Variants in SDR42E1 observed in about 807,000 individuals in gnomAD.
SDR42E1 encodes short-chain dehydrogenase/reductase family 42E member 1.
In SDR42E1, 5 loss-of-function variants were observed where a neutral mutation model predicts 2.6. The ratio of observed to expected loss-of-function variants is 1.94; its 90% CI spans 1.01 to 4.08. The LOEUF is 4.08. Among genes scored for constraint, SDR42E1 ranks in the 30% most tolerant of loss-of-function variants. The probability of loss-of-function intolerance (pLI) is 0.00; values close to 1 mark genes in which losing one functional copy is unlikely to be tolerated. For synonymous variants in SDR42E1, 231 were observed against 188.3 expected (o/e 1.23, Z -1.86); for missense variants, 596 against 478.6 (o/e 1.25, Z -2.29).
chr16:81,989,240 A>G lies in SDR42E1; in HGVS notation c.*9871T>C, dbSNP rs921331736. ...AAATAAAGAATATATACTAATATCA[A>G]TAGATCACCATGCTGTACTATTGAG... On this transcript the variant is annotated 3_prime_UTR_variant, in exon 3 of 3. Coordinates refer to ENST00000328945, the MANE Select transcript of SDR42E1 (RefSeq NM_145168.3). The G allele has an allele frequency of 2.0e-5, 3 of 152,184 alleles. No homozygotes were observed. The highest frequency in any genetic ancestry group is 2.9e-5 in the Non-Finnish European group (2 of 68,040). 9.4% of individuals were successfully genotyped at this position (152,184 alleles called of 1,614,324 possible).
intron 2 of SDR42E1, chr16:82,000,483 G>A (rs969923401): frequency 3.2e-6 from 2 of 630,728 alleles, no homozygotes; most frequent in Non-Finnish European, 5.7e-6. Flanking sequence ...TTGGTTCTAG[G>A]GCCCACTATC....
rs919246630 is a variant in SDR42E1, at chr16:81,990,949, G to T, written c.*8162C>A. On this transcript the variant is annotated 3_prime_UTR_variant, in exon 3 of 3. Coordinates refer to ENST00000328945, the MANE Select transcript of SDR42E1 (RefSeq NM_145168.3). The stretch of plus-strand genomic sequence containing the variant: ...ACTTTGCATTTTCATTACTTCGAAA[G>T]ATTTTTATTAGGTCTGTGCTCCACG... 6.6e-6 allele frequency: 1 copy of T among 152,212 alleles called. No homozygotes were observed. Among genetic ancestry groups the T allele is most frequent in the Non-Finnish European group, 1.5e-5 (1 of 68,044 alleles). The allele number at this position is 152,212 out of a possible 1,614,324, so 9.4% of individuals were successfully genotyped here.
intron 1 of SDR42E1, among the ~76,000 whole-genome samples, chr16:82,001,120 T>A (rs1045933740): frequency 1.3e-5 from 2 of 152,186 alleles, no homozygotes; most frequent in Non-Finnish European, 2.9e-5. Context: ...AAGGTTAATG[T>A]GGAGGTTAAA....
chr16:82,005,833 A>C (rs990604675), intron 1 of SDR42E1, among the ~76,000 whole-genome samples: 1 of 135,886 alleles, frequency 7.4e-6, no homozygotes, highest in Non-Finnish European at 1.5e-5. Flanking sequence ...AAGAAACAAC[A>C]AAAAAAACCT....
At position 81,999,283 on chromosome 16, in the gene SDR42E1, T is replaced by A; in HGVS notation, c.1010A>T (p.Lys337Met). Reference sequence around the variant, plus strand: ...TTCCTGGAGGTCAAATGGCTGAGCCTTATAACCTAGCTCTTTCTTGGCTTT... The same window carrying A: ...TTCCTGGAGGTCAAATGGCTGAGCCATATAACCTAGCTCTTTCTTGGCTTT... Reference protein sequence around the residue: ...LEKAKKELGYKAQPFDLQEAV... With the variant: ...LEKAKKELGYMAQPFDLQEAV... Residue 337 changes from lysine (K) to methionine (M), a missense_variant, in exon 3 of 3, where the codon AAG (lysine) becomes ATG (methionine). By Grantham distance (95) the Lys-to-Met change is moderately conservative. Coordinates refer to ENST00000328945, the MANE Select transcript of SDR42E1 (RefSeq NM_145168.3). 6.2e-7 allele frequency: 1 copy of A among 1,614,244 alleles called. No individual in the cohort carries two copies.
chr16:81,998,880 C>T lies in SDR42E1; in HGVS notation c.*231G>A. On this transcript the variant is annotated 3_prime_UTR_variant, in exon 3 of 3. Coordinates refer to ENST00000328945, the MANE Select transcript of SDR42E1 (RefSeq NM_145168.3). ...TGACTTCTATTGTACCCACCTAAAA[C>T]AGAAGCACATAACAAATCAAATTTC... is the stretch of plus-strand genomic sequence containing the variant. 2 of 561,238 alleles carry T rather than the reference C, an allele frequency of 3.6e-6. No homozygotes were observed. 34.8% of individuals were successfully genotyped at this position (561,238 alleles called of 1,614,324 possible).
chr16:82,006,116 A>C lies in SDR42E1; in HGVS notation c.-26-5232T>G, dbSNP rs1223170174. On this transcript the variant is annotated intron_variant, in intron 1 of 2. Transcript: ENST00000328945. ...CTCTGGTATCATAATGCAATATAGA[A>C]ATATGGGTGTCATTAGCATTTCACC... Among the ~76,000 whole-genome samples the C allele has an allele frequency of 3.3e-5, 5 of 152,194 alleles. No homozygotes were observed. In the East Asian group the frequency reaches 9.6e-4, roughly 29 times the overall value.
chr16:82,010,165 C>T (rs1054055378), intron 1 of SDR42E1, among the ~76,000 whole-genome samples: 3 of 152,204 alleles, frequency 2.0e-5, no homozygotes, highest in Non-Finnish European at 4.4e-5. Context: ...TTTTTATTAG[C>T]AGCATGAGAA....
chr16:82,005,995 A>G (rs1912920803), intron 1 of SDR42E1, among the ~76,000 whole-genome samples: 1 of 152,218 alleles, frequency 6.6e-6, no homozygotes. Flanking sequence ...ACATTTTAAA[A>G]GACCTAATTA....
Position 81,990,322 on chromosome 16 carries a change from G to A in SDR42E1, c.*8789C>T, listed in dbSNP as rs1274348403. The A allele has an allele frequency of 6.6e-6, 1 of 152,078 alleles. No individual in the cohort carries two copies. Among genetic ancestry groups the A allele is most frequent in the Non-Finnish European group, 1.5e-5 (1 of 68,028 alleles). 9.4% of individuals were successfully genotyped at this position (152,078 alleles called of 1,614,324 possible). A position where few individuals can be genotyped will look rare whatever the true frequency, so the allele number is the denominator to read the frequency against. On this transcript the variant is annotated 3_prime_UTR_variant, in exon 3 of 3. Coordinates refer to ENST00000328945, the MANE Select transcript of SDR42E1 (RefSeq NM_145168.3). ...CTCAAAAGAAAAAAAGAAAAGCCAC[G>A]GTAAATAAACTAATACCTGTTATAT...
rs1912515683 is a variant in SDR42E1 at position 81,995,225 on chromosome 16, G to A, written c.*3886C>T. 1 of 152,256 alleles carries A rather than the reference G, an allele frequency of 6.6e-6. No individual in the cohort carries two copies. Among genetic ancestry groups the A allele is most frequent in the South Asian group, 2.1e-4 (1 of 4,836 alleles). The allele number at this position is 152,256 out of a possible 1,614,324, so 9.4% of individuals were successfully genotyped here. A position where few individuals can be genotyped will look rare whatever the true frequency, so the allele number is the denominator to read the frequency against. ...CTCCTCAGAAGCCATGGGTGAGGTAGCAGTGCTGGGTGGCTTCTGCCCAGA... is the reference window on the plus strand; with the variant it reads ...CTCCTCAGAAGCCATGGGTGAGGTAACAGTGCTGGGTGGCTTCTGCCCAGA... On this transcript the variant is annotated 3_prime_UTR_variant, in exon 3 of 3. Transcript: ENST00000328945.
At chr16:82,000,924 G>A in intron 1 of SDR42E1, 40 bp from the exon 2 acceptor site, 1 of 1,367,796 alleles carries the variant, frequency 7.3e-7, no homozygotes, top group Non-Finnish European at 1.0e-6. Flanking sequence ...TGATCCAAAT[G>A]CAAACGTCAT....
rs537975294 is a variant in SDR42E1 at position 81,999,495 on chromosome 16, G to A, written c.798C>T (p.Phe266=). ...DGRPVNNFEF[F]RPLVEGLGYT... ...AGCCCAGGCCCTCAACCAGAGGCCGGAAGAACTCAAAGTTGTTCACGGGTC... is the reference window on the plus strand; with the variant it reads ...AGCCCAGGCCCTCAACCAGAGGCCGAAAGAACTCAAAGTTGTTCACGGGTC... The change falls in exon 3 of 3, where the codon TTC becomes TTT. Residue 266 remains phenylalanine (F), a synonymous_variant. Transcript: ENST00000328945. 1.9e-6 allele frequency: 3 copies of A among 1,614,212 alleles called. No individual in the cohort carries two copies. Among genetic ancestry groups the A allele is most frequent in the Admixed American group, 3.3e-5 (2 of 60,034 alleles).
In SDR42E1 at chr16:81,995,077, C is replaced by A. The variant is rs898236969; in HGVS notation, c.*4034G>T. 2 of 152,224 alleles carry A rather than the reference C, an allele frequency of 1.3e-5. No individual in the cohort carries two copies. Among genetic ancestry groups the A allele is most frequent in the African/African-American group, 4.8e-5 (2 of 41,436 alleles). The allele number at this position is 152,224 out of a possible 1,614,324, so 9.4% of individuals were successfully genotyped here. On this transcript the variant is annotated 3_prime_UTR_variant, in exon 3 of 3. Transcript: ENST00000328945. ...CCAACAGGCTTTCCAGACCGCTCTT[C>A]CCTTTTTGCAGGTGGGAGCAGTTTG...
chr16:82,000,351 A>T, intron 2 of SDR42E1, 127 bp from the exon 3 acceptor site: 1 of 1,140,022 alleles, frequency 8.8e-7, no homozygotes, highest in East Asian at 2.4e-5. Context: ...TGAGCCCCTC[A>T]CTATGCATGT....
In SDR42E1 at chr16:82,009,241, T is replaced by G. The variant is rs181205388; in HGVS notation, c.-27+2146A>C. ...GTGGGGTTGGAACCACCCCACAGCG[T>G]CCCCACTGGGACACTGCCTAGTGGA... On this transcript the variant is annotated intron_variant, in intron 1 of 2. Transcript: ENST00000328945. Among the ~76,000 whole-genome samples, 762 of 152,230 alleles carry G rather than the reference T, an allele frequency of 5.0e-3. 3 individuals carry two copies. Among genetic ancestry groups the G allele is most frequent in the Admixed American group, 0.01 (156 of 15,298 alleles).
At chr16:82,006,444 A>G (rs1912936927) in intron 1 of SDR42E1, among the ~76,000 whole-genome samples, 1 of 152,224 alleles carries the variant, frequency 6.6e-6, no homozygotes, top group African/African-American at 2.4e-5. Flanking sequence ...ATAAATATGC[A>G]GTTAGAGGGA....
rs986286262 is a variant in SDR42E1 at position 81,990,469 on chromosome 16, C to G, written c.*8642G>C. 1.3e-5 allele frequency: 2 copies of G among 152,118 alleles called. No homozygotes were observed. The highest frequency in any genetic ancestry group is 4.8e-5 in the African/African-American group (2 of 41,414). 9.4% of individuals were successfully genotyped at this position (152,118 alleles called of 1,614,324 possible). A position where few individuals can be genotyped will look rare whatever the true frequency, so the allele number is the denominator to read the frequency against. ...GAACATTCCATTTGAACGTCTCAAA[C>G]TCCACTAGCATGTCTTGCATCTCTT... is the stretch of plus-strand genomic sequence containing the variant. On this transcript the variant is annotated 3_prime_UTR_variant, in exon 3 of 3. Transcript: ENST00000328945.
At position 81,990,473 on chromosome 16, in the gene SDR42E1, A is replaced by G. The variant is rs1912402113; in HGVS notation, c.*8638T>C. ...ATTCCATTTGAACGTCTCAAACTCC[A>G]CTAGCATGTCTTGCATCTCTTCCTG... On this transcript the variant is annotated 3_prime_UTR_variant, in exon 3 of 3. Transcript: ENST00000328945. 6.6e-6 allele frequency: 1 copy of G among 152,208 alleles called. No homozygotes were observed. 9.4% of individuals were successfully genotyped at this position (152,208 alleles called of 1,614,324 possible).
Sources: gnomAD v4.1 joint callset for allele counts (sites outside exome capture counted in the v4.1 genomes callset) on GRCh38, gnomAD v4.1.1 for gene constraint, MANE v1.5 for transcripts, NCBI Gene and HGNC (gene_info 2026-07-23, HGNC 2026-07-21) for gene names.